The following LANCL3 variants were observed in gnomAD, a reference collection of about 807,000 sequenced individuals.
LANCL3 encodes the protein LanC like family member 3.
A neutral mutation model predicts 26.5 loss-of-function variants in LANCL3; 19 were observed. That is an observed-to-expected ratio of 0.72 (90% CI 0.50 to 1.05). LANCL3 has a LOEUF of 1.05. Ranked by LOEUF, LANCL3 falls within the 50% of genes least tolerant of loss-of-function variation. The pLI, the probability that LANCL3 is intolerant of heterozygous loss-of-function variation, is 0.00. For missense variants in LANCL3, 318 were observed against 362.7 expected (o/e 0.88, Z 1.00); for synonymous variants, 160 against 166.6 (o/e 0.96, Z 0.30).
intron 1 of LANCL3, among the ~76,000 whole-genome samples, chrX:37,576,108 A>G (rs1486507554): frequency 1.8e-5 from 2 of 112,120 alleles, no homozygotes; most frequent in Non-Finnish European, 3.8e-5. Context: ...TTATGTGTGG[A>G]CATTTCCCCT....
At chrX:37,592,512 C>T (rs1358886893) in intron 1 of LANCL3, among the ~76,000 whole-genome samples, 1 of 111,782 alleles carries the variant, frequency 8.9e-6, no homozygotes, top group Non-Finnish European at 1.9e-5. Context: ...ATGCCCAAAT[C>T]TATAATTAAT....
rs782617627 is a variant in LANCL3 at position 37,608,281 on chromosome X, T to G, written c.573+35838T>G. ...ATTTTATGTTTTAAGGCAGTGGTTC[T>G]CACAATGCAGCAGGCATCAGAATCA... On this transcript the variant is annotated intron_variant, in intron 1 of 4. Transcript: ENST00000378619. Among the ~76,000 whole-genome samples the G allele has an allele frequency of 2.7e-5, 3 of 112,096 alleles. No homozygotes were observed. In the South Asian group the frequency reaches 1.1e-3, roughly 42 times the overall value.
intron 1 of LANCL3, among the ~76,000 whole-genome samples, chrX:37,621,994 A>G (rs908968198): frequency 9.0e-6 from 1 of 111,417 alleles, no homozygotes; most frequent in East Asian, 2.8e-4. Flanking sequence ...ATCTTTCCCA[A>G]GACATTATTG....
intron 1 of LANCL3, among the ~76,000 whole-genome samples, chrX:37,610,490 A>G (rs1314096986): frequency 9.0e-5 from 10 of 111,315 alleles, no homozygotes; most frequent in African/African-American, 3.3e-4. Context: ...GGTATGTTCT[A>G]TGTTTTCAAT....
At chrX:37,653,425 G>T (rs375274690) in intron 1 of LANCL3, among the ~76,000 whole-genome samples, 4 of 112,022 alleles carry the variant, frequency 3.6e-5, no homozygotes, top group African/African-American at 1.3e-4. Context: ...AAAATTCAGT[G>T]ACTGTTTCCT....
Position 37,575,003 on chromosome X carries a change from G to A in LANCL3, c.573+2560G>A, listed in dbSNP as rs781854021. On this transcript the variant is annotated intron_variant, in intron 1 of 4. Transcript: ENST00000378619. ...TGCAGTGGTGCAACCATGGCTCACT[G>A]TAGCCTCGACCTCCTGGGCTCAGGC... Among the ~76,000 whole-genome samples, 132 of 109,062 alleles carry A rather than the reference G, an allele frequency of 1.2e-3. 1 individual carries two copies. Among genetic ancestry groups the A allele is most frequent in the African/African-American group, 4.1e-3 (123 of 29,844 alleles). 94.7% of individuals were successfully genotyped at this position (109,062 alleles called of 115,157 possible).
intron 4 of LANCL3, chrX:37,668,584 C>G (rs1278896996): frequency 1.0e-5 from 2 of 197,376 alleles, no homozygotes; most frequent in African/African-American, 6.1e-5. Context: ...TAGAAGCTGT[C>G]CATAACCATG....
intron 3 of LANCL3, among the ~76,000 whole-genome samples, chrX:37,663,983 A>G (rs1926480547): frequency 8.9e-6 from 1 of 111,847 alleles, no homozygotes. Context: ...CTCTTGAGGC[A>G]AGGAAGTCAA....
In LANCL3 at chrX:37,678,729, T is replaced by G. The variant is rs1926869858; in HGVS notation, c.*2916T>G. The G allele has an allele frequency of 9.0e-6, 1 of 111,464 alleles. No individual in the cohort carries two copies. The highest frequency in any genetic ancestry group is 1.9e-5 in the Non-Finnish European group (1 of 53,016). The allele number at this position is 111,464 out of a possible 1,213,427, so 9.2% of individuals were successfully genotyped here. A position where few individuals can be genotyped will look rare whatever the true frequency, so the allele number is the denominator to read the frequency against. On this transcript the variant is annotated 3_prime_UTR_variant, in exon 5 of 5. Transcript: ENST00000378619. ...ACTTGATAACTGAGTAGAACAGGGG[T>G]TTGCTAGAGTATATTTCCCTGTGCT...
At chrX:37,669,120 G>A (rs1926617359) in intron 4 of LANCL3, among the ~76,000 whole-genome samples, 1 of 112,027 alleles carries the variant, frequency 8.9e-6, no homozygotes, top group South Asian at 3.7e-4. Context: ...AAATGTATAT[G>A]TGTACATGTA....
At chrX:37,657,702 A>T (rs1302603111) in intron 2 of LANCL3, among the ~76,000 whole-genome samples, 1 of 110,454 alleles carries the variant, frequency 9.1e-6, no homozygotes, top group Non-Finnish European at 1.9e-5. Context: ...TATAGCTTAA[A>T]CTATATTTCT....
intron 1 of LANCL3, among the ~76,000 whole-genome samples, chrX:37,646,871 G>T (rs1286612523): frequency 8.9e-6 from 1 of 111,912 alleles, no homozygotes; most frequent in Non-Finnish European, 1.9e-5. Flanking sequence ...AGGTAGGAAA[G>T]CAGGAACACC....
At chrX:37,671,245 T>A (rs868989503) in intron 4 of LANCL3, among the ~76,000 whole-genome samples, 1 of 111,214 alleles carries the variant, frequency 9.0e-6, no homozygotes, top group Non-Finnish European at 1.9e-5. Context: ...GGTATTTTTT[T>A]TCCACTACAT....
chrX:37,622,675 A>T (rs186956172), intron 1 of LANCL3, among the ~76,000 whole-genome samples: 17 of 111,693 alleles, frequency 1.5e-4, no homozygotes, highest in Non-Finnish European at 2.8e-4. Flanking sequence ...CTCCTTCACA[A>T]CATGATATGT....
At chrX:37,633,751 G>A (rs1325056795) in intron 1 of LANCL3, among the ~76,000 whole-genome samples, 9 of 111,762 alleles carry the variant, frequency 8.1e-5, no homozygotes, top group South Asian at 3.8e-4. Context: ...GTGGATTTTC[G>A]TGAACCGCAA....
intron 1 of LANCL3, among the ~76,000 whole-genome samples, chrX:37,595,386 C>T (rs1924398223): frequency 8.9e-6 from 1 of 112,414 alleles, no homozygotes; most frequent in African/African-American, 3.2e-5. Flanking sequence ...CATGCTCCTG[C>T]TTAAATGTGT....
chrX:37,622,030 G>T (rs1925176508), intron 1 of LANCL3, among the ~76,000 whole-genome samples: 1 of 111,140 alleles, frequency 9.0e-6, no homozygotes, highest in African/African-American at 3.3e-5. Flanking sequence ...CTCTACCATT[G>T]TTTTACCTCC....
rs1231767468 is a variant in LANCL3 at position 37,583,314 on chromosome X, C to T, written c.573+10871C>T. Among the ~76,000 whole-genome samples the T allele has an allele frequency of 5.4e-5, 6 of 111,724 alleles. No homozygotes were observed. In the East Asian group the frequency reaches 1.7e-3, roughly 31 times the overall value. On this transcript the variant is annotated intron_variant, in intron 1 of 4. Transcript: ENST00000378619. ...TGGCAATGTGGGCTCTTTTTTGATT[C>T]CATATGAACTTTAAAGTAGTTTTTT...
chrX:37,613,644 G>T (rs184536638), intron 1 of LANCL3, among the ~76,000 whole-genome samples: 1 of 112,061 alleles, frequency 8.9e-6, no homozygotes, highest in Non-Finnish European at 1.9e-5. Context: ...ATATAAATGG[G>T]ATCATGTAGT....
Sources: allele counts gnomAD v4.1 joint callset (sites outside exome capture counted in the v4.1 genomes callset), GRCh38; gene constraint gnomAD v4.1.1; transcripts MANE v1.5; gene names NCBI Gene and HGNC (gene_info 2026-07-23, HGNC 2026-07-21).